CANT1: variants seen among roughly 807,000 people sequenced by gnomAD.
CANT1 encodes soluble calcium-activated nucleotidase 1.
Under a neutral mutation model 30.0 loss-of-function variants are expected in CANT1, and 26 were observed. That is an observed-to-expected ratio of 0.87 (90% CI 0.64 to 1.20). The LOEUF (loss-of-function observed/expected upper bound fraction) is 1.20. Ranked by LOEUF, CANT1 falls within the 50% of genes most tolerant of loss-of-function variation. The pLI is 0.00. For missense variants in CANT1, 518 were observed against 563.0 expected (o/e 0.92, Z 0.81); for synonymous variants, 246 against 251.8 (o/e 0.98, Z 0.22).
At chr17:78,994,949 A>G (rs928996190) in intron 4 of CANT1, 69 bp downstream of exon 4, 4 of 1,484,042 alleles carry the variant, frequency 2.7e-6, no homozygotes, top group Non-Finnish European at 3.6e-6. Context: ...AGGCAAATGC[A>G]GGAGGAAGCA....
intron 1 of CANT1, among the ~76,000 whole-genome samples, chr17:79,001,370 C>T (rs2071254368): frequency 6.6e-6 from 1 of 152,100 alleles, no homozygotes; most frequent in Non-Finnish European, 1.5e-5. Flanking sequence ...TCAGGTCAGT[C>T]CCCCCAGCCG....
Position 78,997,667 on chromosome 17 carries a change from G to A in CANT1, c.-22-23C>T, listed in dbSNP as rs1274428952. 2.0e-6 allele frequency: 3 copies of A among 1,515,110 alleles called. No individual in the cohort carries two copies. In the East Asian group the frequency reaches 7.0e-5, roughly 35 times the overall value. 93.9% of individuals were successfully genotyped at this position (1,515,110 alleles called of 1,614,324 possible). A position where few individuals can be genotyped will look rare whatever the true frequency, so the allele number is the denominator to read the frequency against. The stretch of plus-strand genomic sequence containing the variant: ...GACCTGCACAGCCAGGGAGGGAGGA[G>A]AGGAGTCAGCGCCTCCGCAAGCCCA... On this transcript the variant is annotated intron_variant, in intron 2 of 4. Coordinates refer to ENST00000392446, the MANE Select transcript of CANT1 (RefSeq NM_001159773.2). The surrounding 1 kb of genome is among the most constrained non-coding windows in gnomAD (Gnocchi z 7.5).
In CANT1 at chr17:78,997,224, G is replaced by A. The variant is rs2071067326; in HGVS notation, c.399C>T (p.Tyr133=). The A allele has an allele frequency of 3.1e-6, 5 of 1,614,088 alleles. No homozygotes were observed. Among genetic ancestry groups the A allele is most frequent in the Non-Finnish European group, 3.4e-6 (4 of 1,180,056 alleles). Residue 133 remains tyrosine (Y), a synonymous_variant, in exon 3 of 5, where the codon TAC becomes TAT. Coordinates refer to ENST00000392446, the MANE Select transcript of CANT1 (RefSeq NM_001159773.2). The surrounding 1 kb of genome is among the most constrained non-coding windows in gnomAD (Gnocchi z 7.5). Reference sequence around the variant, plus strand: ...TGTCCCCACTGTCTGACAGGGTCAGGTAGCCCTTTTTCAGGTAACTGAACC... The same window carrying A: ...TGTCCCCACTGTCTGACAGGGTCAGATAGCCCTTTTTCAGGTAACTGAACC... ...NTWFSYLKKG[Y]LTLSDSGDKV...
intron 1 of CANT1, among the ~76,000 whole-genome samples, chr17:79,006,951 T>TG (rs2071574858): frequency 2.0e-5 from 3 of 152,208 alleles, no homozygotes; most frequent in African/African-American, 7.2e-5. Flanking sequence ...AGAGCCATTC[T>TG]GGGGGGTCCC....
intron 4 of CANT1, among the ~76,000 whole-genome samples, chr17:78,994,661 T>C (rs2070965428): frequency 6.6e-6 from 1 of 152,192 alleles, no homozygotes; most frequent in African/African-American, 2.4e-5. Flanking sequence ...GCGCCCGTAA[T>C]GCCAGCACTT....
At position 78,993,357 on chromosome 17, in the gene CANT1, C is replaced by G; in HGVS notation, c.*193G>C. 1.4e-6 allele frequency: 1 copy of G among 689,810 alleles called. No individual in the cohort carries two copies. Among genetic ancestry groups the G allele is most frequent in the Non-Finnish European group, 2.4e-6 (1 of 410,432 alleles). The allele number at this position is 689,810 out of a possible 1,614,324, so 42.7% of individuals were successfully genotyped here. On this transcript the variant is annotated 3_prime_UTR_variant, in exon 5 of 5. Transcript: ENST00000392446. The surrounding 1 kb of genome is among the most constrained non-coding windows in gnomAD (Gnocchi z 4.5). Reference sequence around the variant, plus strand: ...CACCACCAGATGGCAGCATGGAAAGCAGTTCAGACCGCGGCCTCCGTGGGG... The same window carrying G: ...CACCACCAGATGGCAGCATGGAAAGGAGTTCAGACCGCGGCCTCCGTGGGG...
rs1329564747 is a variant in CANT1, at chr17:78,997,842, T to C, written c.-25A>G. 4.2e-6 allele frequency: 2 copies of C among 478,020 alleles called. No homozygotes were observed. The highest frequency in any genetic ancestry group is 7.2e-6 in the Non-Finnish European group (2 of 276,130). 29.6% of individuals were successfully genotyped at this position (478,020 alleles called of 1,614,324 possible). The stretch of plus-strand genomic sequence containing the variant: ...ACTCTAGCAGTATCTTTGCTTACTT[T>C]CATTCGGCAAGACGTGAAGTCTTTC... On this transcript the variant is annotated splice_region_variant and 5_prime_UTR_variant, in exon 2 of 5. Transcript: ENST00000392446. The surrounding 1 kb of genome is among the most constrained non-coding windows in gnomAD (Gnocchi z 7.5).
intron 4 of CANT1, 49 bp downstream of exon 4, chr17:78,994,969 C>A: frequency 8.5e-6 from 13 of 1,529,632 alleles, no homozygotes; most frequent in Non-Finnish European, 1.1e-5. Flanking sequence ...AGGTTCCCAG[C>A]GACTGGGCTG....
rs537471486 is a variant in CANT1 at position 79,002,139 on chromosome 17, A to T, written c.-146-4176T>A. Among the ~76,000 whole-genome samples the T allele has an allele frequency of 4.6e-5, 7 of 152,322 alleles. No homozygotes were observed. Among genetic ancestry groups the T allele is most frequent in the South Asian group, 4.1e-4 (2 of 4,830 alleles). On this transcript the variant is annotated intron_variant, in intron 1 of 4. Transcript: ENST00000392446. This position sits in a 1 kb window ranked among gnomAD's most constrained non-coding sequence, Gnocchi z 4.0. ...ACACAAATTCGTAAACTTTCTTAAA[A>T]CATGATGAGATGAGATTTTTTGTTA...
At chr17:79,009,026 G>T (rs116528488) in intron 1 of CANT1, among the ~76,000 whole-genome samples, 1 of 152,176 alleles carries the variant, frequency 6.6e-6, no homozygotes, top group African/African-American at 2.4e-5. Context: ...CAGAGGAGGG[G>T]TATTTGAAGT....
In CANT1 at chr17:79,006,903, G is replaced by A. The variant is rs1048265500; in HGVS notation, c.-147+2761C>T. The stretch of plus-strand genomic sequence containing the variant: ...GCTCGGCTCCCGGGACACAAAGGCC[G>A]AATCGCCAGGACTTTCACTCAACCC... On this transcript the variant is annotated intron_variant, in intron 1 of 4. Transcript: ENST00000392446. Among the ~76,000 whole-genome samples the A allele has an allele frequency of 6.6e-5, 10 of 152,112 alleles. No individual in the cohort carries two copies. In the East Asian group the frequency reaches 7.7e-4, roughly 12 times the overall value.
At chr17:79,001,308 CTG>C (rs572750420) in intron 1 of CANT1, among the ~76,000 whole-genome samples, 10 of 152,182 alleles carry the variant, frequency 6.6e-5, no homozygotes, top group Non-Finnish European at 8.8e-5. Flanking sequence ...GGAGACCACT[CTG>C]TGGCCAACTT....
rs1362426102 is a variant in CANT1, at chr17:79,008,352, A to G, written c.-147+1312T>C. 2.0e-5 allele frequency among the ~76,000 whole-genome samples: 3 copies of G among 152,240 alleles called. No homozygotes were observed. The East Asian group carries it at 5.8e-4, about 29-fold the overall frequency. On this transcript the variant is annotated intron_variant, in intron 1 of 4. Transcript: ENST00000392446. This position sits in a 1 kb window ranked among gnomAD's most constrained non-coding sequence, Gnocchi z 4.4. ...AAAGCTCCTCAGAGGGAGAGGGAGG[A>G]AGAGCTGGGAGATAGCGGATCCTGA...
intron 1 of CANT1, 53 bp downstream of exon 1, chr17:79,009,611 T>TGGCTGGGGCAGGGCGC (rs2071678413): frequency 2.6e-5 from 4 of 152,502 alleles, no homozygotes; most frequent in African/African-American, 9.7e-5. Context: ...GGGACGGGGG[T>TGGCTGGGGCAGGGCGC]CCGGGCCCGT....
Position 78,993,893 on chromosome 17 carries a change from C to A in CANT1, c.863G>T (p.Trp288Leu). ...GAACCAGCGCTGCAGCGTGTCACTC[C>A]AGCAGGCAGACTCATGGATGAGGTA... ...PGYLIHESAC[W>L]SDTLQRWFFL... Residue 288 changes from tryptophan to leucine, a missense_variant, in exon 5 of 5, where the codon TGG becomes TTG. By Grantham distance (61) the Trp-to-Leu change is moderately conservative. Around this residue, in one of 3 missense-constraint regions of CANT1, gnomAD observed 221 missense variants for 211.8 expected, o/e 1.04. Coordinates refer to ENST00000392446, the MANE Select transcript of CANT1 (RefSeq NM_001159773.2). The surrounding 1 kb of genome is among the most constrained non-coding windows in gnomAD (Gnocchi z 4.5). 6.3e-7 allele frequency: 1 copy of A among 1,591,058 alleles called. No homozygotes were observed.
At chr17:78,994,789 G>A (rs1292239524) in intron 4 of CANT1, among the ~76,000 whole-genome samples, 5 of 152,228 alleles carry the variant, frequency 3.3e-5, no homozygotes, top group Non-Finnish European at 7.3e-5. Context: ...GCGTGGTGGT[G>A]CACACCTGTA....
At position 78,992,732 on chromosome 17, in the gene CANT1, G is replaced by A. The variant is rs376745661; in HGVS notation, c.*818C>T. 35 of 595,898 alleles carry A rather than the reference G, an allele frequency of 5.9e-5. No homozygotes were observed. Among genetic ancestry groups the A allele is most frequent in the Non-Finnish European group, 8.1e-5 (25 of 307,958 alleles). The allele number at this position is 595,898 out of a possible 1,614,324, so 36.9% of individuals were successfully genotyped here. Reference sequence around the variant, plus strand: ...ACATGTGAGACTTGCTTCACCAGCCGCCACCGCTTCCTTACAATCTCCCGC... The same window carrying A: ...ACATGTGAGACTTGCTTCACCAGCCACCACCGCTTCCTTACAATCTCCCGC... On this transcript the variant is annotated 3_prime_UTR_variant, in exon 5 of 5. Transcript: ENST00000392446.
chr17:78,997,811 T>G lies in CANT1; in HGVS notation c.-23+29A>C. 1 of 525,144 alleles carries G rather than the reference T, an allele frequency of 1.9e-6. No individual in the cohort carries two copies. Among genetic ancestry groups the G allele is most frequent in the Non-Finnish European group, 3.2e-6 (1 of 309,780 alleles). 32.5% of individuals were successfully genotyped at this position (525,144 alleles called of 1,614,324 possible). A position where few individuals can be genotyped will look rare whatever the true frequency, so the allele number is the denominator to read the frequency against. ...GGCTTAATGAATTCCCGACTCTAGA[T>G]TCCCGACTCTAGCAGTATCTTTGCT... On this transcript the variant is annotated intron_variant, in intron 2 of 4. Transcript: ENST00000392446. This position sits in a 1 kb window ranked among gnomAD's most constrained non-coding sequence, Gnocchi z 7.5.
chr17:79,001,876 C>T (rs80042805), intron 1 of CANT1, among the ~76,000 whole-genome samples: 1,928 of 152,224 alleles, frequency 0.013, 38 homozygotes, highest in African/African-American at 0.044. Flanking sequence ...CCACAGGCAC[C>T]GCAAACCAGG....
Sources: gnomAD v4.1 joint callset for allele counts (sites outside exome capture counted in the v4.1 genomes callset) on GRCh38, gnomAD v4.1.1 for gene constraint, gnomAD v4.1.1 regional missense constraint, Gnocchi (gnomAD v3.1) non-coding constraint, MANE v1.5 for transcripts, NCBI Gene and HGNC (gene_info 2026-07-23, HGNC 2026-07-21) for gene names.